Variants in CAMTA1 observed in about 807,000 individuals in gnomAD.
The protein encoded by CAMTA1 is calmodulin-binding transcription activator 1.
Under a neutral mutation model 170.9 loss-of-function variants are expected in CAMTA1, and 27 were observed. The observed-to-expected ratio is 0.16, with a 90% CI of 0.12 to 0.22. The LOEUF is 0.22. Ranked by LOEUF, CAMTA1 falls within the 10% of genes least tolerant of loss-of-function variation. The probability of loss-of-function intolerance (pLI) is 1.00; values close to 1 mark genes in which losing one functional copy is unlikely to be tolerated. For synonymous variants in CAMTA1, 833 were observed against 891.5 expected (o/e 0.93, Z 1.17); for missense variants, 1,619 against 2,217.2 (o/e 0.73, Z 5.42).
intron 4 of CAMTA1, among the ~76,000 whole-genome samples, chr1:7,100,649 C>T (rs895979378): frequency 6.6e-6 from 1 of 152,232 alleles, no homozygotes; most frequent in Non-Finnish European, 1.5e-5. Context: ...TGTGAGGCCC[C>T]AGGTGCGCAG....
chr1:7,433,199 A>G (rs553006076), intron 5 of CAMTA1, among the ~76,000 whole-genome samples: 28 of 152,260 alleles, frequency 1.8e-4, no homozygotes, highest in Non-Finnish European at 3.5e-4. Flanking sequence ...TGGCTGCCCT[A>G]GCAGGCTGGT....
At chr1:7,667,600 C>G (rs1186469750) in intron 9 of CAMTA1, among the ~76,000 whole-genome samples, 2 of 152,082 alleles carry the variant, frequency 1.3e-5, no homozygotes, top group African/African-American at 4.8e-5. Flanking sequence ...TCAGACAGGC[C>G]CTGGGCTGGG....
intron 3 of CAMTA1, among the ~76,000 whole-genome samples, chr1:7,087,297 G>A (rs1251092298): frequency 1.3e-5 from 2 of 152,192 alleles, no homozygotes; most frequent in Non-Finnish European, 2.9e-5. Context: ...TTTAAGCAAA[G>A]GGCTCCATGG....
At position 7,325,091 on chromosome 1, in the gene CAMTA1, C is replaced by T. The variant is rs1321821910; in HGVS notation, c.438+75465C>T. Among the ~76,000 whole-genome samples, 1 of 152,152 alleles carries T rather than the reference C, an allele frequency of 6.6e-6. No homozygotes were observed. Among genetic ancestry groups the T allele is most frequent in the Non-Finnish European group, 1.5e-5 (1 of 68,032 alleles). On this transcript the variant is annotated intron_variant, in intron 5 of 22. Transcript: ENST00000303635. The surrounding 1 kb of genome is among the most constrained non-coding windows in gnomAD (Gnocchi z 5.0). ...TTACACAATTAATATTTCCATTCTT[C>T]CCTTCAACAGATACTTATTCAACAT...
chr1:6,961,175 G>C (rs1486120335), intron 3 of CAMTA1, among the ~76,000 whole-genome samples: 1 of 152,200 alleles, frequency 6.6e-6, no homozygotes, highest in South Asian at 2.1e-4. Context: ...GAAAGCGATT[G>C]GGCTGCGATG....
intron 19 of CAMTA1, 126 bp from the exon 20 acceptor site, chr1:7,751,073 G>A (rs535744118): frequency 8.0e-5 from 65 of 809,168 alleles, no homozygotes; most frequent in Middle Eastern, 6.9e-4. Context: ...ATTAAACCCC[G>A]GACAGAGAAT....
intron 11 of CAMTA1, among the ~76,000 whole-genome samples, chr1:7,697,651 C>A (rs1177891647): frequency 1.3e-5 from 2 of 152,188 alleles, no homozygotes; most frequent in Admixed American, 1.3e-4. Flanking sequence ...CTGTGTCAGC[C>A]AGCAGGGAGA....
intron 3 of CAMTA1, among the ~76,000 whole-genome samples, chr1:6,849,547 A>G (rs1659577722): frequency 6.6e-6 from 1 of 152,112 alleles, no homozygotes; most frequent in Non-Finnish European, 1.5e-5. Context: ...AAACCAAGGC[A>G]GGACATAGTA....
chr1:7,146,123 G>A lies in CAMTA1; in HGVS notation c.302+54752G>A, dbSNP rs887493731. 2.6e-5 allele frequency among the ~76,000 whole-genome samples: 4 copies of A among 152,144 alleles called. No individual in the cohort carries two copies. Among genetic ancestry groups the A allele is most frequent in the East Asian group, 3.9e-4 (2 of 5,184 alleles). ...ATGGGATGATTGTAAAGGCCGGGCC[G>A]AGGATCTCCCCTGGGGATGGGCAGT... On this transcript the variant is annotated intron_variant, in intron 4 of 22. Transcript: ENST00000303635. The surrounding 1 kb of genome is among the most constrained non-coding windows in gnomAD (Gnocchi z 4.3).
chr1:7,533,935 A>G (rs2094520514), intron 6 of CAMTA1, among the ~76,000 whole-genome samples: 1 of 152,096 alleles, frequency 6.6e-6, no homozygotes, highest in African/African-American at 2.4e-5. Context: ...ATGAAAAGAA[A>G]AAAAGAAAAC....
At chr1:7,765,754 G>A (rs573948124) in intron 22 of CAMTA1, among the ~76,000 whole-genome samples, 7 of 152,284 alleles carry the variant, frequency 4.6e-5, no homozygotes, top group Admixed American at 1.3e-4. Flanking sequence ...TAGGCCGGGC[G>A]CGGTGGCTCA....
intron 3 of CAMTA1, among the ~76,000 whole-genome samples, chr1:7,047,666 G>A (rs1432483218): frequency 2.6e-5 from 4 of 151,228 alleles, no homozygotes; most frequent in Non-Finnish European, 4.4e-5. Flanking sequence ...AGCTCTTTGC[G>A]GCCTCATTTC....
intron 3 of CAMTA1, among the ~76,000 whole-genome samples, chr1:7,075,932 G>T (rs1434043420): frequency 6.6e-6 from 1 of 152,108 alleles, no homozygotes; most frequent in Non-Finnish European, 1.5e-5. Flanking sequence ...CAAAGTGCTG[G>T]GATTATAGGT....
chr1:7,058,978 AC>A (rs1707804472), intron 3 of CAMTA1, among the ~76,000 whole-genome samples: 1 of 151,774 alleles, frequency 6.6e-6, no homozygotes, highest in Non-Finnish European at 1.5e-5. Context: ...CTAGTGAAAA[AC>A]CCACAGACCT....
At chr1:6,981,072 G>A (rs1260444220) in intron 3 of CAMTA1, among the ~76,000 whole-genome samples, 1 of 151,276 alleles carries the variant, frequency 6.6e-6, no homozygotes, top group Non-Finnish European at 1.5e-5. Flanking sequence ...CGGTGGCTCT[G>A]AGAACAGCCC....
intron 6 of CAMTA1, among the ~76,000 whole-genome samples, chr1:7,513,967 A>G (rs913538699): frequency 1.4e-5 from 2 of 138,266 alleles, no homozygotes; most frequent in African/African-American, 2.6e-5. Context: ...ACACACATAC[A>G]CACACAAACA....
chr1:7,509,542 C>T (rs1193179), intron 6 of CAMTA1, among the ~76,000 whole-genome samples: 95,096 of 152,118 alleles, frequency 0.63, 31,273 homozygotes, highest in Non-Finnish European at 0.73. Context: ...TCAGAATGGC[C>T]CAGGATCCCT....
rs756918507 is a variant in CAMTA1, at chr1:7,661,434, C to T, written c.665-292C>T. On this transcript the variant is annotated intron_variant, in intron 7 of 22. Coordinates refer to ENST00000303635, the MANE Select transcript of CAMTA1 (RefSeq NM_015215.4). The stretch of plus-strand genomic sequence containing the variant: ...ACCCCTGGAAGAGCCGCCTCGTGCA[C>T]TCTGACTTTAGGGAAACAAAAGCAG... 8.5e-5 allele frequency among the ~76,000 whole-genome samples: 13 copies of T among 152,342 alleles called. No homozygotes were observed. In the Middle Eastern group the frequency reaches 0.01, roughly 120 times the overall value.
At chr1:7,290,298 C>A (rs1672938504) in intron 5 of CAMTA1, among the ~76,000 whole-genome samples, 1 of 152,196 alleles carries the variant, frequency 6.6e-6, no homozygotes, top group Non-Finnish European at 1.5e-5. Flanking sequence ...CATATTCAGT[C>A]CCTCTGGATT....
Sources: allele counts gnomAD v4.1 joint callset (sites outside exome capture counted in the v4.1 genomes callset), GRCh38; gene constraint gnomAD v4.1.1; non-coding constraint Gnocchi (gnomAD v3.1); transcripts MANE v1.5; gene names NCBI Gene and HGNC (gene_info 2026-07-23, HGNC 2026-07-21).